The following DDX10 variants were observed in gnomAD, a reference collection of about 807,000 sequenced individuals.
DDX10 encodes DEAD-box helicase 10.
DDX10 carries 74 observed loss-of-function variants against 104.3 expected under a neutral mutation model. The observed-to-expected ratio is 0.71, with a 90% CI of 0.59 to 0.86. The LOEUF is 0.86. DDX10 is among the 40% of genes least tolerant of loss of function. The pLI is 0.00. For synonymous variants in DDX10, 351 were observed against 353.4 expected (o/e 0.99, Z 0.08); for missense variants, 952 against 1,040.0 (o/e 0.92, Z 1.16).
chr11:108,858,613 A>G (rs1205678933), intron 16 of DDX10, among the ~76,000 whole-genome samples: 1 of 152,184 alleles, frequency 6.6e-6, no homozygotes, highest in Non-Finnish European at 1.5e-5. Flanking sequence ...ATTTGTATTA[A>G]GATGATAGAT....
At chr11:108,890,154 T>G (rs1221044003) in intron 16 of DDX10, among the ~76,000 whole-genome samples, 1 of 152,166 alleles carries the variant, frequency 6.6e-6, no homozygotes, top group Non-Finnish European at 1.5e-5. Flanking sequence ...TTTTACTGTG[T>G]CTCCTATAAG....
chr11:108,883,337 A>G (rs1199434118), intron 16 of DDX10, among the ~76,000 whole-genome samples: 1 of 152,182 alleles, frequency 6.6e-6, no homozygotes, highest in Non-Finnish European at 1.5e-5. Flanking sequence ...GTTATATCAT[A>G]TTCTTTCCTG....
At chr11:108,711,436 A>G (rs7107825) in intron 10 of DDX10, among the ~76,000 whole-genome samples, 112,264 of 152,104 alleles carry the variant, frequency 0.74, 41,651 homozygotes, top group Admixed American at 0.79. Context: ...GGGTTCAAGC[A>G]ATTCTCCTGC....
intron 13 of DDX10, among the ~76,000 whole-genome samples, chr11:108,745,929 T>C (rs2094331338): frequency 6.6e-6 from 1 of 152,176 alleles, no homozygotes; most frequent in South Asian, 2.1e-4. Context: ...ATTTCTATCA[T>C]ACAATTTAGT....
chr11:108,756,996 G>A (rs893605952), intron 13 of DDX10, among the ~76,000 whole-genome samples: 7 of 152,002 alleles, frequency 4.6e-5, no homozygotes, highest in African/African-American at 1.4e-4. Context: ...GGAAAGATCT[G>A]AAAAACAAAT....
chr11:108,851,498 C>T (rs973327243), intron 15 of DDX10, among the ~76,000 whole-genome samples: 7 of 152,082 alleles, frequency 4.6e-5, no homozygotes, highest in Admixed American at 6.6e-5. Flanking sequence ...CGTGGCAGAA[C>T]GTCTCTTATA....
At chr11:108,728,902 A>G (rs187517163) in intron 13 of DDX10, among the ~76,000 whole-genome samples, 7 of 152,238 alleles carry the variant, frequency 4.6e-5, no homozygotes, top group Admixed American at 2.6e-4. Flanking sequence ...AAATATTTTT[A>G]TGGTTGCCTA....
chr11:108,674,299 CA>C (rs1203675024), intron 2 of DDX10, among the ~76,000 whole-genome samples: 53 of 143,100 alleles, frequency 3.7e-4, no homozygotes, highest in South Asian at 8.8e-4. Flanking sequence ...GACACCGTCT[CA>C]AAAAAAAAAA....
intron 17 of DDX10, chr11:108,918,373 G>C (rs543123507): frequency 3.6e-6 from 1 of 278,802 alleles, no homozygotes; most frequent in East Asian, 5.9e-5. Flanking sequence ...TGCAAACAGA[G>C]TTAGGGTTTT....
At chr11:108,842,568 T>C (rs1276595324) in intron 15 of DDX10, among the ~76,000 whole-genome samples, 1 of 152,196 alleles carries the variant, frequency 6.6e-6, no homozygotes, top group Non-Finnish European at 1.5e-5. Context: ...AAAGTAGATA[T>C]TGGAGATAGC....
chr11:108,940,165 A>G, intron 17 of DDX10, 81 bp from the exon 18 acceptor site: 2 of 1,402,954 alleles, frequency 1.4e-6, no homozygotes, highest in South Asian at 2.8e-5. Context: ...CACTTTACCA[A>G]CTCTCTGTTA....
intron 16 of DDX10, among the ~76,000 whole-genome samples, chr11:108,873,793 A>G (rs1024395560): frequency 6.6e-6 from 1 of 152,200 alleles, no homozygotes. Flanking sequence ...TTGCAATACA[A>G]AGCTACTTAT....
intron 17 of DDX10, among the ~76,000 whole-genome samples, chr11:108,922,806 T>G (rs1863852234): frequency 6.6e-6 from 1 of 152,220 alleles, no homozygotes; most frequent in African/African-American, 2.4e-5. Flanking sequence ...TGACTTTGGG[T>G]TTCTTTTAAT....
intron 16 of DDX10, among the ~76,000 whole-genome samples, chr11:108,867,876 T>G (rs1353618890): frequency 6.6e-6 from 1 of 152,176 alleles, no homozygotes; most frequent in African/African-American, 2.4e-5. Context: ...GGCACTACTT[T>G]ATTATAACAC....
At chr11:108,814,686 A>G (rs547052212) in intron 13 of DDX10, among the ~76,000 whole-genome samples, 3 of 152,238 alleles carry the variant, frequency 2.0e-5, no homozygotes, top group Non-Finnish European at 4.4e-5. Flanking sequence ...GAATGACTCT[A>G]TCTTCAAATA....
At chr11:108,911,012 A>G (rs1282115635) in intron 16 of DDX10, among the ~76,000 whole-genome samples, 2 of 152,154 alleles carry the variant, frequency 1.3e-5, no homozygotes, top group African/African-American at 2.4e-5. Context: ...ACTGCTTTCT[A>G]TCTCTATCAA....
Position 108,675,636 on chromosome 11 carries a change from G to A in DDX10, c.288G>A (p.Gln96=). ...AGTACCGTTTGGTGACTGAGATACAGAAGCAGACCATTGGATTGGCTTTGC... is the reference window on the plus strand; with the variant it reads ...AGTACCGTTTGGTGACTGAGATACAAAAGCAGACCATTGGATTGGCTTTGC... The part of the protein sequence containing the change: ...EAQYRLVTEI[Q]KQTIGLALQG... Residue 96 remains glutamine (Q), a synonymous_variant, in exon 3 of 18, where the codon CAG becomes CAA. Coordinates refer to ENST00000322536, the MANE Select transcript of DDX10 (RefSeq NM_004398.4). The A allele has an allele frequency of 6.2e-7, 1 of 1,614,190 alleles. No individual in the cohort carries two copies. Among genetic ancestry groups the A allele is most frequent in the African/African-American group, 1.3e-5 (1 of 75,054 alleles).
intron 16 of DDX10, among the ~76,000 whole-genome samples, chr11:108,901,856 T>G (rs1178308866): frequency 6.6e-6 from 1 of 152,230 alleles, no homozygotes; most frequent in African/African-American, 2.4e-5. Flanking sequence ...TATGGAAATG[T>G]ATTAAATATC....
chr11:108,915,713 A>G (rs1397940269), intron 16 of DDX10, among the ~76,000 whole-genome samples: 4 of 152,158 alleles, frequency 2.6e-5, no homozygotes, highest in African/African-American at 4.8e-5. Context: ...TCATATGACA[A>G]CTAGTTTTTA....
Sources: gnomAD v4.1 joint callset for allele counts (sites outside exome capture counted in the v4.1 genomes callset) on GRCh38, gnomAD v4.1.1 for gene constraint, MANE v1.5 for transcripts, NCBI Gene and HGNC (gene_info 2026-07-23, HGNC 2026-07-21) for gene names.